The following TAF1C variants were observed in gnomAD, a reference collection of about 807,000 sequenced individuals.
TAF1C encodes the protein TATA-box binding protein associated factor, RNA polymerase I subunit C, also known as TATA box-binding protein-associated factor RNA polymerase I subunit C.
TAF1C carries 79 observed loss-of-function variants against 70.5 expected under a neutral mutation model. The observed-to-expected ratio is 1.12, with a 90% confidence interval of 0.93 to 1.35. TAF1C has a LOEUF of 1.35. TAF1C is among the 40% of genes most tolerant of loss of function. TAF1C has a pLI of 0.00. For missense variants in TAF1C, 1,412 were observed against 1,127.8 expected, an observed-to-expected ratio of 1.25 and a Z score of -3.61; for synonymous variants, 614 against 491.1, an observed-to-expected ratio of 1.25 and a Z score of -3.31.
At position 84,178,310 on chromosome 16, in the gene TAF1C, G is replaced by C. The variant is rs568831289; in HGVS notation, c.*631C>G. On this transcript the variant is annotated 3_prime_UTR_variant, in exon 15 of 15. Coordinates refer to ENST00000566732, the MANE Select transcript of TAF1C (RefSeq NM_001243156.2). ...AAGGAACATCAGCCATCATCTCTCTGCATGAGCTCAGTGTCAGGTAGTAGC... is the reference window on the plus strand; with the variant it reads ...AAGGAACATCAGCCATCATCTCTCTCCATGAGCTCAGTGTCAGGTAGTAGC... 1.5e-4 allele frequency: 70 copies of C among 456,972 alleles called. No homozygotes were observed. The highest frequency in any genetic ancestry group is 1.3e-3 in the African/African-American group (66 of 50,208). 28.3% of individuals were successfully genotyped at this position (456,972 alleles called of 1,614,324 possible). A position where few individuals can be genotyped will look rare whatever the true frequency, so the allele number is the denominator to read the frequency against.
In TAF1C at chr16:84,184,850, C is replaced by G; in HGVS notation, c.138+1G>C. The G allele has an allele frequency of 6.2e-7, 1 of 1,601,832 alleles. No homozygotes were observed. Among genetic ancestry groups the G allele is most frequent in the Non-Finnish European group, 8.5e-7 (1 of 1,174,432 alleles). On this transcript the variant is annotated splice_donor_variant, in intron 2 of 14. Transcript: ENST00000566732. LOFTEE classifies it high-confidence loss of function. ...CCAGGGCCCCCTGCCTGCATCCTCA[C>G]CTCTGAGTTCTGGGGCTGGGCCTCT...
In TAF1C at chr16:84,178,815, A is replaced by G; in HGVS notation, c.*126T>C. ...AACTTGGCTCCAAATTGCTTGGCTC[A>G]TCATCACAGTGGCCTCCAGAAGGTG... On this transcript the variant is annotated 3_prime_UTR_variant, in exon 15 of 15. Coordinates refer to ENST00000566732, the MANE Select transcript of TAF1C (RefSeq NM_001243156.2). The G allele has an allele frequency of 2.8e-6, 3 of 1,077,846 alleles. No individual in the cohort carries two copies. 66.8% of individuals were successfully genotyped at this position (1,077,846 alleles called of 1,614,324 possible). A position where few individuals can be genotyped will look rare whatever the true frequency, so the allele number is the denominator to read the frequency against.
At position 84,180,319 on chromosome 16, in the gene TAF1C, C is replaced by T. The variant is rs925194296; in HGVS notation, c.1334G>A (p.Arg445His). The change falls in exon 13 of 15, where the codon CGC (arginine) becomes CAC (histidine). Residue 445 changes from arginine to histidine, a missense_variant. Arg to His is a conservative substitution (Grantham distance 29). Transcript: ENST00000566732. Reference protein sequence around the residue: ...TQFSLYLVDERLPLVPMLKWN... With the variant: ...TQFSLYLVDEHLPLVPMLKWN... ...CTTCAGCATCGGCACCAGGGGAAGG[C>T]GCTCGTCCACTAGGTAGAGAGAGAA... is the stretch of plus-strand genomic sequence containing the variant. The T allele has an allele frequency of 3.9e-6, 6 of 1,545,760 alleles. No individual in the cohort carries two copies. Among genetic ancestry groups the T allele is most frequent in the East Asian group, 2.4e-5 (1 of 40,988 alleles).
rs767127083 is a variant in TAF1C at position 84,180,227 on chromosome 16, C to G, written c.1426G>C (p.Val476Leu). 1.6e-5 allele frequency: 24 copies of G among 1,538,690 alleles called. No homozygotes were observed. Among genetic ancestry groups the G allele is most frequent in the Non-Finnish European group, 2.1e-5 (24 of 1,148,014 alleles). ...TGGCCTCCGAGGAGCAGGGGCTGCACGCAGCTGGGCCGGGGCGGAGGCAGC... is the reference window on the plus strand; with the variant it reads ...TGGCCTCCGAGGAGCAGGGGCTGCAGGCAGCTGGGCCGGGGCGGAGGCAGC... ...RLLPPPRPSCVQPLLLGGQGG... is the reference protein window; with the variant it reads ...RLLPPPRPSCLQPLLLGGQGG... Residue 476 changes from valine (V) to leucine (L), a missense_variant, in exon 13 of 15, where the codon GTG becomes CTG. Val to Leu is a conservative substitution (Grantham distance 32). Transcript: ENST00000566732.
chr16:84,179,047 G>C lies in TAF1C; in HGVS notation c.2426C>G (p.Pro809Arg). 3 of 1,610,960 alleles carry C rather than the reference G, an allele frequency of 1.9e-6. No individual in the cohort carries two copies. The highest frequency in any genetic ancestry group is 2.5e-6 in the Non-Finnish European group (3 of 1,179,850). ...QRDTPGCATTPPHSQASSVRA... is the reference protein window; with the variant it reads ...QRDTPGCATTRPHSQASSVRA... ...GACGCTGGAGGCCTGGGAGTGGGGAGGTGTGGTGGCACAGCCTGGGGTGTC... is the reference window on the plus strand; with the variant it reads ...GACGCTGGAGGCCTGGGAGTGGGGACGTGTGGTGGCACAGCCTGGGGTGTC... The change falls in exon 15 of 15, where the codon CCT becomes CGT. Residue 809 changes from proline (P) to arginine (R), a missense_variant. Pro to Arg is a moderately radical substitution (Grantham distance 103, BLOSUM62 -2). Transcript: ENST00000566732.
rs760092034 is a variant in TAF1C, at chr16:84,179,932, C to G, written c.1621+14G>C. The G allele has an allele frequency of 1.3e-6, 2 of 1,595,878 alleles. No homozygotes were observed. Among genetic ancestry groups the G allele is most frequent in the African/African-American group, 2.7e-5 (2 of 73,828 alleles). The stretch of plus-strand genomic sequence containing the variant: ...CCACTGCGCCCCCCAAGCTCACTCC[C>G]CCACCCAGCACACCTATGGTCGGTG... On this transcript the variant is annotated intron_variant, in intron 14 of 14. Coordinates refer to ENST00000566732, the MANE Select transcript of TAF1C (RefSeq NM_001243156.2).
intron 12 of TAF1C, chr16:84,180,718 T>C: frequency 4.7e-6 from 5 of 1,066,462 alleles, no homozygotes; most frequent in Non-Finnish European, 6.2e-6. Flanking sequence ...AGGACAGACC[T>C]GCTTCCTCAG....
rs2089523045 is a variant in TAF1C, at chr16:84,186,970, A to G, written c.-142T>C. The G allele has an allele frequency of 6.6e-6, 1 of 152,224 alleles. No individual in the cohort carries two copies. The highest frequency in any genetic ancestry group is 2.4e-5 in the African/African-American group (1 of 41,460). The allele number at this position is 152,224 out of a possible 1,614,324, so 9.4% of individuals were successfully genotyped here. On this transcript the variant is annotated 5_prime_UTR_variant, in exon 1 of 15. Transcript: ENST00000566732. Reference sequence around the variant, plus strand: ...GTGATGCTCGCCGGACCCTGGCACCACGAGGGAAATCTCAAGTAGAACCCC... The same window carrying G: ...GTGATGCTCGCCGGACCCTGGCACCGCGAGGGAAATCTCAAGTAGAACCCC...
In TAF1C at chr16:84,186,952, T is replaced by C. The variant is rs2089522235; in HGVS notation, c.-124A>G. On this transcript the variant is annotated 5_prime_UTR_variant, in exon 1 of 15. Coordinates refer to ENST00000566732, the MANE Select transcript of TAF1C (RefSeq NM_001243156.2). ...TGGAAAATGGGCCTCGGCGTGATGCTCGCCGGACCCTGGCACCACGAGGGA... is the reference window on the plus strand; with the variant it reads ...TGGAAAATGGGCCTCGGCGTGATGCCCGCCGGACCCTGGCACCACGAGGGA... 2 of 152,214 alleles carry C rather than the reference T, an allele frequency of 1.3e-5. No individual in the cohort carries two copies. Among genetic ancestry groups the C allele is most frequent in the African/African-American group, 4.8e-5 (2 of 41,462 alleles). 9.4% of individuals were successfully genotyped at this position (152,214 alleles called of 1,614,324 possible).
intron 2 of TAF1C, 126 bp from the exon 3 acceptor site, chr16:84,183,904 C>T (rs1447191278): frequency 1.2e-5 from 8 of 669,306 alleles, no homozygotes; most frequent in Non-Finnish European, 2.0e-5. Flanking sequence ...GCTGGGATGA[C>T]TGGCATTGTC....
intron 2 of TAF1C, among the ~76,000 whole-genome samples, chr16:84,184,592 G>A (rs966694960): frequency 7.9e-5 from 12 of 152,292 alleles, no homozygotes; most frequent in Non-Finnish European, 1.6e-4. Context: ...TCAGCTCTCC[G>A]TTCCAGGAAG....
rs200977680 is a variant in TAF1C, at chr16:84,178,892, G to T, written c.*49C>A. 569 of 1,515,150 alleles carry T rather than the reference G, an allele frequency of 3.8e-4. No individual in the cohort carries two copies. The highest frequency in any genetic ancestry group is 4.7e-4 in the Non-Finnish European group (537 of 1,133,306). The allele number at this position is 1,515,150 out of a possible 1,614,324, so 93.9% of individuals were successfully genotyped here. ...TGTGGAAGGCACATCTGGTCCCAGA[G>T]GAAGGATGAGGGGCTCTCTGGGGCT... On this transcript the variant is annotated 3_prime_UTR_variant, in exon 15 of 15. Coordinates refer to ENST00000566732, the MANE Select transcript of TAF1C (RefSeq NM_001243156.2).
rs553857190 is a variant in TAF1C, at chr16:84,182,385, G to A, written c.538C>T (p.Pro180Ser). ...CTCGCCACCGACGTGCCCAGGATGG[G>A]GCCCCCGAGGATAGAGAAGCGGCGC... ...RQRRFSILGG[P>S]ILGTSVASHL... The change falls in exon 7 of 15, where the codon CCC (proline) becomes TCC (serine). Residue 180 changes from proline (P) to serine (S), a missense_variant. Pro to Ser is a moderately conservative substitution (Grantham distance 74). Coordinates refer to ENST00000566732, the MANE Select transcript of TAF1C (RefSeq NM_001243156.2). This position sits in a 1 kb window ranked among gnomAD's most constrained non-coding sequence, Gnocchi z 5.0. 3 of 1,607,312 alleles carry A rather than the reference G, an allele frequency of 1.9e-6. No homozygotes were observed. In the South Asian group the frequency reaches 3.3e-5, roughly 18 times the overall value.
Position 84,179,840 on chromosome 16 carries a change from C to T in TAF1C, c.1633G>A (p.Val545Ile), listed in dbSNP as rs548113450. Residue 545 changes from valine (V) to isoleucine (I), a missense_variant, in exon 15 of 15, where the codon GTC becomes ATC. Coordinates refer to ENST00000566732, the MANE Select transcript of TAF1C (RefSeq NM_001243156.2). ...GGCGCTGAGGGCAAGGGCGGGACGA[C>T]GGCAGCCAGACCTGGTGACGGGAAT... ...LKAPTIGLAA[V>I]VPPLPSAPTP... The T allele has an allele frequency of 3.9e-5, 62 of 1,606,146 alleles. 1 individual carries two copies. The Middle Eastern group carries it at 5.1e-3, about 133-fold the overall frequency.
Position 84,181,738 on chromosome 16 carries a change from C to G in TAF1C, c.956+8G>C, listed in dbSNP as rs1278347145. 2 of 1,613,942 alleles carry G rather than the reference C, an allele frequency of 1.2e-6. No individual in the cohort carries two copies. Among genetic ancestry groups the G allele is most frequent in the Non-Finnish European group, 1.7e-6 (2 of 1,179,850 alleles). On this transcript the variant is annotated splice_region_variant and intron_variant, in intron 9 of 14. Transcript: ENST00000566732. The stretch of plus-strand genomic sequence containing the variant: ...CCCCTCCTCACCGACCAACCTGACC[C>G]CCCTCACCTGAGGCTGATCCCCGTG...
At chr16:84,186,840 C>G (rs554984535) in intron 1 of TAF1C, 61 bp downstream of exon 1, 1 of 152,280 alleles carries the variant, frequency 6.6e-6, no homozygotes, top group Non-Finnish European at 1.5e-5. Context: ...CCTCCTACAT[C>G]TGCGGGTCCG....
rs767924482 is a variant in TAF1C, at chr16:84,183,417, G to T, written c.311C>A (p.Thr104Asn). Reference protein sequence around the residue: ...RKRPRVVLDVTEQISRFLLDH... With the variant: ...RKRPRVVLDVNEQISRFLLDH... ...CCCCGTGGGCCCACTCACCTGCTCA[G>T]TCACATCCAGCACGACTCGGGGCCG... Residue 104 changes from threonine to asparagine, a missense_variant, in exon 4 of 15, where the codon ACT becomes AAT. Transcript: ENST00000566732. 6.2e-7 allele frequency: 1 copy of T among 1,613,026 alleles called. No homozygotes were observed. The highest frequency in any genetic ancestry group is 8.5e-7 in the Non-Finnish European group (1 of 1,179,486).
At position 84,180,162 on chromosome 16, in the gene TAF1C, A is replaced by T. The variant is rs1567587323; in HGVS notation, c.1483+8T>A. ...CCACACGCCGCCCACCCTGGCCTGG[A>T]CCCTCACCTGCCAGGTGCAGCAGCT... On this transcript the variant is annotated splice_region_variant and intron_variant, in intron 13 of 14. Coordinates refer to ENST00000566732, the MANE Select transcript of TAF1C (RefSeq NM_001243156.2). The T allele has an allele frequency of 6.4e-7, 1 of 1,557,758 alleles. No individual in the cohort carries two copies. Among genetic ancestry groups the T allele is most frequent in the East Asian group, 2.3e-5 (1 of 43,816 alleles).
At position 84,179,588 on chromosome 16, in the gene TAF1C, C is replaced by T. The variant is rs775201216; in HGVS notation, c.1885G>A (p.Ala629Thr). ...KVPLAPPVWT[A>T]PTFTHRQMLG... ...ATCTGGCGGTGGGTGAAGGTGGGTG[C>T]TGTCCACACAGGAGGAGCCAGGGGC... Residue 629 changes from alanine to threonine, a missense_variant, in exon 15 of 15, where the codon GCA becomes ACA. Physicochemically the swap from Ala to Thr is moderately conservative, Grantham distance 58. Transcript: ENST00000566732. 1.2e-6 allele frequency: 2 copies of T among 1,612,718 alleles called. No individual in the cohort carries two copies. The highest frequency in any genetic ancestry group is 1.3e-5 in the African/African-American group (1 of 75,034).
Sources: allele counts gnomAD v4.1 joint callset (sites outside exome capture counted in the v4.1 genomes callset), GRCh38; gene constraint gnomAD v4.1.1; non-coding constraint Gnocchi (gnomAD v3.1); transcripts MANE v1.5; gene names NCBI Gene and HGNC (gene_info 2026-07-23, HGNC 2026-07-21).